Variants in MGRN1 observed in about 807,000 individuals in gnomAD.
MGRN1 encodes E3 ubiquitin-protein ligase MGRN1.
MGRN1 carries 29 observed loss-of-function variants against 69.2 expected under a neutral mutation model. The observed-to-expected ratio is 0.42, with a 90% CI of 0.31 to 0.57. MGRN1 has a LOEUF of 0.57. MGRN1 is among the 20% of genes least tolerant of loss of function. MGRN1 has a pLI of 0.15. For synonymous variants in MGRN1, 470 were observed against 344.2 expected, an observed-to-expected ratio of 1.37 and a Z score of -4.04; for missense variants, 998 against 796.2, an observed-to-expected ratio of 1.25 and a Z score of -3.05.
At chr16:4,631,141 A>G (rs1567166715) in intron 1 of MGRN1, among the ~76,000 whole-genome samples, 1 of 152,134 alleles carries the variant, frequency 6.6e-6, no homozygotes, top group African/African-American at 2.4e-5. Context: ...TGTTTCACTT[A>G]TGGCTTGAGA....
chr16:4,665,068 G>T (rs774684254), intron 6 of MGRN1, 34 bp from the exon 7 acceptor site: 4 of 1,613,726 alleles, frequency 2.5e-6, no homozygotes, highest in Non-Finnish European at 1.7e-6. Flanking sequence ...GGCAGGCCCC[G>T]ACTCTGACTA....
chr16:4,679,053 C>T (rs757038526), intron 11 of MGRN1, among the ~76,000 whole-genome samples: 3 of 152,228 alleles, frequency 2.0e-5, no homozygotes, highest in Non-Finnish European at 2.9e-5. Context: ...CCTGTCAACC[C>T]AGGCCCTCTA....
At position 4,684,786 on chromosome 16, in the gene MGRN1, C is replaced by T. The variant is rs114182485; in HGVS notation, c.1618+854C>T. On this transcript the variant is annotated intron_variant, in intron 16 of 16. Coordinates refer to ENST00000262370, the MANE Select transcript of MGRN1 (RefSeq NM_015246.4). ...GAGGCTGTCTGCGGCTCTGGAACTGCGATAAACAGCCACGGTGCTTTCAGA... is the reference window on the plus strand; with the variant it reads ...GAGGCTGTCTGCGGCTCTGGAACTGTGATAAACAGCCACGGTGCTTTCAGA... 6.1e-3 allele frequency among the ~76,000 whole-genome samples: 932 copies of T among 152,368 alleles called. 7 individuals are homozygous for T. The highest frequency in any genetic ancestry group is 0.021 in the African/African-American group (872 of 41,588).
chr16:4,687,405 C>T (rs572466987), intron 16 of MGRN1: 17 of 900,262 alleles, frequency 1.9e-5, no homozygotes, highest in African/African-American at 1.4e-4. Flanking sequence ...TTGGCTTGGG[C>T]GTGGTAGCTT....
intron 11 of MGRN1, 40 bp downstream of exon 11, chr16:4,677,612 G>A: frequency 6.3e-7 from 1 of 1,579,300 alleles, no homozygotes; most frequent in Non-Finnish European, 8.6e-7. Context: ...GCGGGAGAGG[G>A]GCATGAGTGC....
chr16:4,668,448 C>T, intron 8 of MGRN1, 136 bp downstream of exon 8: 2 of 855,290 alleles, frequency 2.3e-6, no homozygotes, highest in South Asian at 1.7e-5. Flanking sequence ...CACTCATACA[C>T]ATTCACTTGC....
At chr16:4,668,992 A>T (rs1030886703) in intron 8 of MGRN1, 1 of 145,452 alleles carries the variant, frequency 6.9e-6, no homozygotes, top group Non-Finnish European at 1.5e-5. Context: ...ATATACAAAG[A>T]CGCATACACT....
rs1410166433 is a variant in MGRN1 at position 4,665,133 on chromosome 16, C to G, written c.660C>G (p.Leu220=). The part of the protein sequence containing the change: ...VVEVTGHAHV[L]LAAFEKHMDG... ...AAGTGACTGGCCACGCCCACGTGCTCTTGGCTGCCTTTGAAAAGGTAAGTG... is the reference window on the plus strand; with the variant it reads ...AAGTGACTGGCCACGCCCACGTGCTGTTGGCTGCCTTTGAAAAGGTAAGTG... The change falls in exon 7 of 17, where the codon CTC becomes CTG. Residue 220 remains leucine (L), a synonymous_variant. Transcript: ENST00000262370. The G allele has an allele frequency of 6.2e-7, 1 of 1,614,206 alleles. No homozygotes were observed. Among genetic ancestry groups the G allele is most frequent in the South Asian group, 1.1e-5 (1 of 91,088 alleles).
intron 16 of MGRN1, chr16:4,686,675 G>C: frequency 9.3e-7 from 1 of 1,071,696 alleles, no homozygotes; most frequent in Non-Finnish European, 1.1e-6. Flanking sequence ...AGGGATGAGG[G>C]CAGCACCGTG....
intron 5 of MGRN1, among the ~76,000 whole-genome samples, chr16:4,660,415 C>A (rs2078650552): frequency 6.6e-6 from 1 of 152,224 alleles, no homozygotes; most frequent in South Asian, 2.1e-4. Flanking sequence ...TCTTGCACGC[C>A]TCCCCAGACC....
intron 4 of MGRN1, among the ~76,000 whole-genome samples, chr16:4,655,531 C>T (rs1372738377): frequency 1.3e-5 from 2 of 152,106 alleles, no homozygotes; most frequent in Non-Finnish European, 2.9e-5. Context: ...TGCTTCCCCT[C>T]CCAGCGGGGA....
intron 7 of MGRN1, among the ~76,000 whole-genome samples, chr16:4,666,490 C>T (rs1328584241): frequency 1.3e-5 from 2 of 152,172 alleles, no homozygotes; most frequent in East Asian, 3.9e-4. Flanking sequence ...AGACTGAGGC[C>T]AGCCCTGTAG....
At position 4,688,903 on chromosome 16, in the gene MGRN1, C is replaced by T. The variant is rs752493106; in HGVS notation, c.1726C>T (p.Leu576Phe). ...TCCCAGCGCCGCCGAGCTGACCCCA[C>T]TCTGAGAGCCTGGCCGAGCTGGCAG... is the stretch of plus-strand genomic sequence containing the variant. ...PDPSAAELTPL is the reference protein window; with the variant it reads ...PDPSAAELTPF The change falls in exon 17 of 17, where the codon CTC (leucine) becomes TTC (phenylalanine). Residue 576 changes from leucine to phenylalanine, a missense_variant. Coordinates refer to ENST00000262370, the MANE Select transcript of MGRN1 (RefSeq NM_015246.4). 1.9e-6 allele frequency: 3 copies of T among 1,542,046 alleles called. No homozygotes were observed. The highest frequency in any genetic ancestry group is 2.5e-5 in the East Asian group (1 of 40,784).
intron 1 of MGRN1, among the ~76,000 whole-genome samples, chr16:4,644,235 A>T (rs1230338455): frequency 1.5e-5 from 2 of 134,434 alleles, no homozygotes; most frequent in South Asian, 4.7e-4. Context: ...CAAGTGATCC[A>T]CCCCCCTCAG....
In MGRN1 at chr16:4,673,575, G is replaced by T. The variant is rs939681329; in HGVS notation, c.873G>T (p.Leu291=). The T allele has an allele frequency of 6.2e-7, 1 of 1,613,806 alleles. No homozygotes were observed. ...CLSDLRDTLI[L]PCRHLCLCTS... ...CCGACCTGCGGGACACGCTGATCCT[G>T]CCCTGCCGCCACCTGTGCCTCTGTA... The change falls in exon 10 of 17, where the codon CTG becomes CTT. Residue 291 remains leucine (L), a synonymous_variant. Transcript: ENST00000262370.
intron 1 of MGRN1, among the ~76,000 whole-genome samples, chr16:4,644,728 T>G (rs554673692): frequency 2.0e-5 from 3 of 152,332 alleles, no homozygotes; most frequent in African/African-American, 7.2e-5. Context: ...AAAAACCTAG[T>G]ACAAAAATTA....
chr16:4,642,104 C>A (rs1485456440), intron 1 of MGRN1, among the ~76,000 whole-genome samples: 1 of 150,876 alleles, frequency 6.6e-6, no homozygotes, highest in African/African-American at 2.4e-5. Flanking sequence ...TCATGCATTT[C>A]CCTGTCAGCA....
chr16:4,645,033 AAATT>A (rs1481885525), intron 1 of MGRN1, among the ~76,000 whole-genome samples: 3 of 152,110 alleles, frequency 2.0e-5, no homozygotes, highest in South Asian at 2.1e-4. Flanking sequence ...ATAAAGGAAA[AAATT>A]AATAATCACT....
Position 4,674,076 on chromosome 16 carries a change from C to G in MGRN1, c.955+419C>G, listed in dbSNP as rs576674330. ...CTCAGCTTACTGTAACCTCTGCCTC[C>G]TGAGTTCAAGCAATTCTCCTGTCTC... On this transcript the variant is annotated intron_variant, in intron 10 of 16. Transcript: ENST00000262370. 3.2e-4 allele frequency among the ~76,000 whole-genome samples: 48 copies of G among 152,328 alleles called. 1 individual carries two copies. The South Asian group carries it at 9.7e-3, about 31-fold the overall frequency.
Sources: allele counts gnomAD v4.1 joint callset (sites outside exome capture counted in the v4.1 genomes callset), GRCh38; gene constraint gnomAD v4.1.1; transcripts MANE v1.5; gene names NCBI Gene and HGNC (gene_info 2026-07-23, HGNC 2026-07-21).